KATNIP: variants seen among roughly 807,000 people sequenced by gnomAD.
KATNIP encodes the protein katanin-interacting protein.
Under a neutral mutation model 174.0 loss-of-function variants are expected in KATNIP, and 126 were observed. That is an observed-to-expected ratio of 0.72 (90% CI 0.63 to 0.84). The LOEUF (loss-of-function observed/expected upper bound fraction) is 0.84, where lower values mean the gene tolerates loss of function less well. Ranked by LOEUF, KATNIP falls within the 40% of genes least tolerant of loss-of-function variation. The pLI is 0.00. For missense variants in KATNIP, 1,958 were observed against 2,109.7 expected (o/e 0.93, Z 1.41); for synonymous variants, 810 against 835.7 (o/e 0.97, Z 0.53).
Position 27,628,703 on chromosome 16 carries a change from G to A in KATNIP, c.183G>A (p.Arg61=), listed in dbSNP as rs1253584726. 6.2e-7 allele frequency: 1 copy of A among 1,614,074 alleles called. No homozygotes were observed. Among genetic ancestry groups the A allele is most frequent in the Non-Finnish European group, 8.5e-7 (1 of 1,180,036 alleles). ...AAAGCAAGGACCCCGTGCAATTGAGGCTGGAGCACTTGGAGCAAGGTTTCT... is the reference window on the plus strand; with the variant it reads ...AAAGCAAGGACCCCGTGCAATTGAGACTGGAGCACTTGGAGCAAGGTTTCT... The part of the protein sequence containing the change: ...HLKSKDPVQL[R]LEHLEQGFSV... Residue 61 remains arginine (R), a synonymous_variant, in exon 4 of 28, where the codon AGG becomes AGA. Transcript: ENST00000261588.
At chr16:27,653,665 T>C (rs555220323) in intron 6 of KATNIP, among the ~76,000 whole-genome samples, 2 of 152,178 alleles carry the variant, frequency 1.3e-5, no homozygotes, top group East Asian at 3.9e-4. Context: ...ACTTTTTTTT[T>C]TTTTTCTTTT....
chr16:27,761,287 G>T (rs956174423), intron 18 of KATNIP, 126 bp from the exon 19 acceptor site: 5 of 960,930 alleles, frequency 5.2e-6, no homozygotes, highest in Non-Finnish European at 6.0e-6. Context: ...CACCTGCAAG[G>T]CACTTTGGGT....
In KATNIP at chr16:27,776,812, G is replaced by A; in HGVS notation, c.4450-116G>A. 1.4e-6 allele frequency: 1 copy of A among 707,928 alleles called. No homozygotes were observed. Among genetic ancestry groups the A allele is most frequent in the East Asian group, 2.6e-5 (1 of 39,008 alleles). The allele number at this position is 707,928 out of a possible 1,614,324, so 43.9% of individuals were successfully genotyped here. On this transcript the variant is annotated intron_variant, in intron 24 of 27. Coordinates refer to ENST00000261588, the MANE Select transcript of KATNIP (RefSeq NM_015202.5). The surrounding 1 kb of genome is among the most constrained non-coding windows in gnomAD (Gnocchi z 4.7). ...GGCGGAACTCCAGGCTGGCCCACGT[G>A]GCAGGCGCTGCCTTGGGCACCACCG...
intron 2 of KATNIP, among the ~76,000 whole-genome samples, chr16:27,591,331 C>T (rs548266842): frequency 3.3e-5 from 5 of 152,146 alleles, no homozygotes; most frequent in East Asian, 1.9e-4. Context: ...ATTACAGGCA[C>T]GCACCACCAC....
intron 13 of KATNIP, among the ~76,000 whole-genome samples, chr16:27,720,773 C>T (rs1294116132): frequency 6.6e-6 from 1 of 152,174 alleles, no homozygotes; most frequent in Non-Finnish European, 1.5e-5. Context: ...TGCCAAGGCA[C>T]TGGGTCGAGC....
intron 12 of KATNIP, among the ~76,000 whole-genome samples, chr16:27,707,021 A>G (rs1175380878): frequency 6.6e-6 from 1 of 152,194 alleles, no homozygotes; most frequent in Admixed American, 6.5e-5. Context: ...TGATCAAAAC[A>G]GGCCCTATCT....
At chr16:27,655,634 C>G (rs887749540) in intron 6 of KATNIP, among the ~76,000 whole-genome samples, 1 of 152,070 alleles carries the variant, frequency 6.6e-6, no homozygotes, top group Admixed American at 6.6e-5. Context: ...GAGCACTTAC[C>G]GAGTGCCAAG....
intron 23 of KATNIP, 88 bp from the exon 24 acceptor site, chr16:27,774,857 A>G (rs970461654): frequency 2.0e-6 from 3 of 1,500,410 alleles, no homozygotes; most frequent in African/African-American, 1.4e-5. Flanking sequence ...CCAGCCCCAG[A>G]GTCCCCCGAG....
At chr16:27,738,407 T>C (rs1015037826) in intron 14 of KATNIP, among the ~76,000 whole-genome samples, 1 of 152,174 alleles carries the variant, frequency 6.6e-6, no homozygotes, top group African/African-American at 2.4e-5. Flanking sequence ...ACCCGTTAAA[T>C]ATGCACAGTT....
chr16:27,653,110 CTAAAAA>C (rs551577060), intron 6 of KATNIP, among the ~76,000 whole-genome samples: 1,557 of 152,282 alleles, frequency 0.01, 11 homozygotes, highest in Non-Finnish European at 0.019. Flanking sequence ...ACCATCCGGA[CTAAAAA>C]TGGCATATTT....
At chr16:27,584,246 C>T (rs2090803090) in intron 2 of KATNIP, among the ~76,000 whole-genome samples, 1 of 151,836 alleles carries the variant, frequency 6.6e-6, no homozygotes, top group African/African-American at 2.4e-5. Flanking sequence ...AAAGAGTGAG[C>T]GCTCTCCAAG....
At chr16:27,660,043 G>A in intron 6 of KATNIP, 1 of 976,528 alleles carries the variant, frequency 1.0e-6, no homozygotes, top group Non-Finnish European at 1.2e-6. Context: ...TTGTTTTAGG[G>A]AGGAGAAATA....
chr16:27,750,434 T>G, intron 16 of KATNIP, 128 bp downstream of exon 16: 2 of 1,058,376 alleles, frequency 1.9e-6, no homozygotes, highest in South Asian at 1.6e-5. Flanking sequence ...TTTTTTTTTT[T>G]TTTGAGACGG....
At chr16:27,721,216 C>A (rs2143018021) in intron 13 of KATNIP, among the ~76,000 whole-genome samples, 1 of 152,348 alleles carries the variant, frequency 6.6e-6, no homozygotes, top group Non-Finnish European at 1.5e-5. Flanking sequence ...ATCCTTCTCT[C>A]TAGCGTCTTT....
In KATNIP at chr16:27,779,965, G is replaced by A. The variant is rs1355730482; in HGVS notation, c.*1336G>A. 1 of 152,110 alleles carries A rather than the reference G, an allele frequency of 6.6e-6. No individual in the cohort carries two copies. The highest frequency in any genetic ancestry group is 1.5e-5 in the Non-Finnish European group (1 of 68,028). The allele number at this position is 152,110 out of a possible 1,614,324, so 9.4% of individuals were successfully genotyped here. The stretch of plus-strand genomic sequence containing the variant: ...AAACGCGCTTTTCATTTGGAGCACG[G>A]GGCTGATGTGAAGATAAGAATTGTT... On this transcript the variant is annotated 3_prime_UTR_variant, in exon 28 of 28. Transcript: ENST00000261588.
At chr16:27,567,351 A>C (rs1567442938) in intron 1 of KATNIP, among the ~76,000 whole-genome samples, 3 of 152,244 alleles carry the variant, frequency 2.0e-5, no homozygotes, top group African/African-American at 7.2e-5. Flanking sequence ...AAATAAGACC[A>C]GGCACAGTGG....
chr16:27,775,202 G>T, intron 24 of KATNIP, 118 bp downstream of exon 24: 14 of 1,256,164 alleles, frequency 1.1e-5, no homozygotes, highest in Non-Finnish European at 1.5e-5. Flanking sequence ...AAGCCAAGAT[G>T]CTTGGGAGCT....
At chr16:27,685,759 C>A (rs1273715250) in intron 8 of KATNIP, among the ~76,000 whole-genome samples, 2 of 152,162 alleles carry the variant, frequency 1.3e-5, no homozygotes, top group African/African-American at 4.8e-5. Flanking sequence ...AGAAAGAGTT[C>A]TGTGGCTAAG....
At chr16:27,641,612 G>C (rs1398896167) in intron 5 of KATNIP, among the ~76,000 whole-genome samples, 1 of 152,200 alleles carries the variant, frequency 6.6e-6, no homozygotes, top group Admixed American at 6.5e-5. Flanking sequence ...GTATGTGCTG[G>C]ACAGGCAGAA....
Sources: gnomAD v4.1 joint callset for allele counts (sites outside exome capture counted in the v4.1 genomes callset) on GRCh38, gnomAD v4.1.1 for gene constraint, Gnocchi (gnomAD v3.1) non-coding constraint, MANE v1.5 for transcripts, NCBI Gene and HGNC (gene_info 2026-07-23, HGNC 2026-07-21) for gene names.